The following TMEM150C variants were observed in gnomAD, a reference collection of about 807,000 sequenced individuals.
TMEM150C encodes the protein transmembrane protein 150C.
A neutral mutation model predicts 29.9 loss-of-function variants in TMEM150C; 10 were observed. That is an observed-to-expected ratio of 0.33 (90% CI 0.21 to 0.57). The LOEUF (loss-of-function observed/expected upper bound fraction) is 0.57. Among genes scored for constraint, TMEM150C ranks in the 20% least tolerant of loss-of-function variants. The pLI is 0.88. For missense variants in TMEM150C, 251 were observed against 303.6 expected (o/e 0.83, Z 1.29); for synonymous variants, 101 against 112.5 (o/e 0.90, Z 0.64).
intron 6 of TMEM150C, chr4:82,491,610 A>T: frequency 1.7e-6 from 1 of 603,702 alleles, no homozygotes; most frequent in Non-Finnish European, 2.9e-6. Flanking sequence ...CACCTTCTTT[A>T]CTTTGGCCTT....
At chr4:82,533,714 A>C (rs1047714621) in intron 1 of TMEM150C, among the ~76,000 whole-genome samples, 2 of 152,218 alleles carry the variant, frequency 1.3e-5, no homozygotes, top group Admixed American at 6.5e-5. Context: ...TAATTTTTTC[A>C]ATGACCATAG....
At chr4:82,515,287 T>G (rs1193988695) in intron 1 of TMEM150C, among the ~76,000 whole-genome samples, 2 of 152,220 alleles carry the variant, frequency 1.3e-5, no homozygotes, top group African/African-American at 4.8e-5. Context: ...AGAAAGGTTT[T>G]ATAAATATGC....
In TMEM150C at chr4:82,484,229, T is replaced by C. The variant is rs1723088243; in HGVS notation, c.*1282A>G. On this transcript the variant is annotated 3_prime_UTR_variant, in exon 8 of 8. Transcript: ENST00000449862. ...CAACAGTTTGAATTTGGAATTCTGC[T>C]TTTCTTCATGAAGCACAGTCTCATA... 2 of 152,162 alleles carry C rather than the reference T, an allele frequency of 1.3e-5. No homozygotes were observed. Among genetic ancestry groups the C allele is most frequent in the African/African-American group, 2.4e-5 (1 of 41,430 alleles). 9.4% of individuals were successfully genotyped at this position (152,162 alleles called of 1,614,324 possible). A position where few individuals can be genotyped will look rare whatever the true frequency, so the allele number is the denominator to read the frequency against.
intron 1 of TMEM150C, among the ~76,000 whole-genome samples, chr4:82,516,726 G>T (rs1724307310): frequency 6.6e-6 from 1 of 152,176 alleles, no homozygotes. Context: ...TAGGAACTCA[G>T]TCAGAAACCT....
chr4:82,519,209 G>A (rs1166581262), intron 1 of TMEM150C, among the ~76,000 whole-genome samples: 1 of 151,672 alleles, frequency 6.6e-6, no homozygotes, highest in Non-Finnish European at 1.5e-5. Context: ...GTCACCTTTT[G>A]GCCTACAACA....
intron 1 of TMEM150C, among the ~76,000 whole-genome samples, chr4:82,506,858 G>A (rs1723937536): frequency 6.6e-6 from 1 of 152,186 alleles, no homozygotes; most frequent in African/African-American, 2.4e-5. Context: ...TGATGATTGA[G>A]TAAGTAAACC....
At chr4:82,523,500 G>A (rs1372573270) in intron 1 of TMEM150C, among the ~76,000 whole-genome samples, 4 of 152,152 alleles carry the variant, frequency 2.6e-5, no homozygotes, top group East Asian at 1.9e-4. Flanking sequence ...AGGCAAGGGC[G>A]AGAAGGCTGC....
At chr4:82,510,108 T>C (rs1191594694) in intron 1 of TMEM150C, among the ~76,000 whole-genome samples, 2 of 151,758 alleles carry the variant, frequency 1.3e-5, no homozygotes, top group African/African-American at 2.4e-5. Flanking sequence ...TGAAACCCCA[T>C]CTCTACTAAA....
chr4:82,519,220 T>C (rs1011746892), intron 1 of TMEM150C, among the ~76,000 whole-genome samples: 2 of 152,148 alleles, frequency 1.3e-5, no homozygotes, highest in African/African-American at 4.8e-5. Context: ...GCCTACAACA[T>C]GGTTTTCTGA....
intron 1 of TMEM150C, among the ~76,000 whole-genome samples, chr4:82,528,346 T>G (rs1724722378): frequency 6.6e-6 from 1 of 152,192 alleles, no homozygotes; most frequent in Admixed American, 6.5e-5. Flanking sequence ...TCTGGCTCAG[T>G]AGGCCCCAGG....
At chr4:82,521,046 T>C (rs994987504) in intron 1 of TMEM150C, among the ~76,000 whole-genome samples, 51 of 152,152 alleles carry the variant, frequency 3.4e-4, no homozygotes, top group African/African-American at 1.1e-3. Context: ...ACATATGGTG[T>C]ACTGTCCCCT....
intron 1 of TMEM150C, among the ~76,000 whole-genome samples, chr4:82,559,280 C>T (rs1351691790): frequency 1.3e-5 from 2 of 152,072 alleles, no homozygotes; most frequent in African/African-American, 2.4e-5. Context: ...CACAGTGGCT[C>T]CTGGCTGTAT....
intron 6 of TMEM150C, chr4:82,491,295 T>G: frequency 1.5e-6 from 1 of 678,836 alleles, no homozygotes; most frequent in Non-Finnish European, 2.7e-6. Flanking sequence ...CTTCTGCTTC[T>G]TCTCTTGCTT....
At chr4:82,553,709 A>G (rs916914128) in intron 1 of TMEM150C, among the ~76,000 whole-genome samples, 2 of 152,218 alleles carry the variant, frequency 1.3e-5, no homozygotes, top group African/African-American at 4.8e-5. Context: ...AGCTAATAAA[A>G]AGCAACATTT....
At chr4:82,541,548 A>C (rs1196838293) in intron 1 of TMEM150C, among the ~76,000 whole-genome samples, 3 of 152,342 alleles carry the variant, frequency 2.0e-5, no homozygotes, top group African/African-American at 7.2e-5. Flanking sequence ...AAATTTAATA[A>C]AACTTCAGTA....
intron 6 of TMEM150C, among the ~76,000 whole-genome samples, chr4:82,492,792 C>G (rs1291121633): frequency 1.9e-5 from 1 of 51,888 alleles, no homozygotes; most frequent in African/African-American, 8.2e-5. Context: ...TCCACTTCTC[C>G]AAAAAAAAAA....
At chr4:82,519,106 A>G (rs542037067) in intron 1 of TMEM150C, among the ~76,000 whole-genome samples, 2 of 152,316 alleles carry the variant, frequency 1.3e-5, no homozygotes, top group East Asian at 3.9e-4. Context: ...AGTCTTCTGG[A>G]AAGAGGCAAC....
chr4:82,547,320 G>A (rs1022997686), intron 1 of TMEM150C, among the ~76,000 whole-genome samples: 1 of 152,076 alleles, frequency 6.6e-6, no homozygotes, highest in African/African-American at 2.4e-5. Context: ...TGGGCGCAGT[G>A]GCTCATGCCT....
At chr4:82,513,462 T>A (rs1232451208) in intron 1 of TMEM150C, among the ~76,000 whole-genome samples, 1 of 151,504 alleles carries the variant, frequency 6.6e-6, no homozygotes, top group Non-Finnish European at 1.5e-5. Flanking sequence ...TAAAAAATCA[T>A]AAATTTAATG....
Sources: gnomAD v4.1 joint callset for allele counts (sites outside exome capture counted in the v4.1 genomes callset) on GRCh38, gnomAD v4.1.1 for gene constraint, MANE v1.5 for transcripts, NCBI Gene and HGNC (gene_info 2026-07-23, HGNC 2026-07-21) for gene names.